MMP16: variants seen among roughly 807,000 people sequenced by gnomAD.
The protein encoded by MMP16 is matrix metallopeptidase 16.
In MMP16, 12 loss-of-function variants were observed where a neutral mutation model predicts 67.8. The ratio of observed to expected loss-of-function variants is 0.18; its 90% CI spans 0.11 to 0.29. MMP16 has a LOEUF of 0.29. Ranked by LOEUF, MMP16 falls within the 10% of genes least tolerant of loss-of-function variation. The pLI, the probability that MMP16 is intolerant of heterozygous loss-of-function variation, is 1.00. For missense variants in MMP16, 475 were observed against 765.7 expected (o/e 0.62, Z 4.48); for synonymous variants, 249 against 255.9 (o/e 0.97, Z 0.26).
intron 1 of MMP16, among the ~76,000 whole-genome samples, chr8:88,211,630 C>T (rs1809514068): frequency 6.6e-6 from 1 of 152,094 alleles, no homozygotes; most frequent in African/African-American, 2.4e-5. Context: ...AAAAGTTCCT[C>T]TGCCTCCTTT....
At chr8:88,045,529 C>T (rs1010293563) in intron 9 of MMP16, among the ~76,000 whole-genome samples, 1 of 151,916 alleles carries the variant, frequency 6.6e-6, no homozygotes, top group Non-Finnish European at 1.5e-5. Flanking sequence ...TGCCACCATG[C>T]CTTGCTTATT....
At chr8:88,120,728 T>G (rs1355629028) in intron 4 of MMP16, among the ~76,000 whole-genome samples, 1 of 151,954 alleles carries the variant, frequency 6.6e-6, no homozygotes, top group Non-Finnish European at 1.5e-5. Context: ...CAGAAGACAG[T>G]GCTGACTCAG....
intron 4 of MMP16, among the ~76,000 whole-genome samples, chr8:88,157,262 C>G (rs1808525799): frequency 6.6e-6 from 1 of 152,074 alleles, no homozygotes; most frequent in African/African-American, 2.4e-5. Context: ...TAAAAAATTA[C>G]AGTATAACCA....
chr8:88,122,708 G>T (rs964332655), intron 4 of MMP16, among the ~76,000 whole-genome samples: 3 of 151,538 alleles, frequency 2.0e-5, no homozygotes, highest in African/African-American at 7.3e-5. Context: ...CTCTAGTTGA[G>T]AAGCTAAAGA....
intron 7 of MMP16, among the ~76,000 whole-genome samples, chr8:88,057,914 C>A (rs541148918): frequency 9.2e-5 from 14 of 152,008 alleles, no homozygotes; most frequent in Admixed American, 2.0e-4. Flanking sequence ...AGATGAAAAC[C>A]AAATATACAC....
chr8:88,134,806 G>A (rs1270586088), intron 4 of MMP16, among the ~76,000 whole-genome samples: 2 of 147,358 alleles, frequency 1.4e-5, no homozygotes, highest in Non-Finnish European at 3.0e-5. Flanking sequence ...ATTTTTCTTC[G>A]CCACCTTATG....
chr8:88,168,070 A>G, intron 3 of MMP16, 97 bp from the exon 4 acceptor site: 1 of 867,160 alleles, frequency 1.2e-6, no homozygotes, highest in Admixed American at 2.9e-5. Flanking sequence ...TAGAGAAAAT[A>G]GTCATATTAA....
intron 4 of MMP16, among the ~76,000 whole-genome samples, chr8:88,121,732 T>C (rs28907629): frequency 0.033 from 4,969 of 152,130 alleles, 151 homozygotes; most frequent in Non-Finnish European, 0.049. Context: ...TTGCTTTCAA[T>C]TGTATCCATA....
At chr8:88,175,805 G>A (rs542864070) in intron 3 of MMP16, among the ~76,000 whole-genome samples, 3 of 152,114 alleles carry the variant, frequency 2.0e-5, no homozygotes, top group African/African-American at 7.2e-5. Flanking sequence ...GAATCATGGG[G>A]TCAGGTTTTC....
In MMP16 at chr8:88,034,619, G is replaced by T. The variant is rs2118164588; in HGVS notation, c.*6842C>A. 1 of 152,246 alleles carries T rather than the reference G, an allele frequency of 6.6e-6. No individual in the cohort carries two copies. Among genetic ancestry groups the T allele is most frequent in the African/African-American group, 2.4e-5 (1 of 41,538 alleles). The allele number at this position is 152,246 out of a possible 1,614,324, so 9.4% of individuals were successfully genotyped here. ...CGGTATTTCAGTAATAGCAAAAATT[G>T]TAACATTGATTTAAGGATAACGCTC... On this transcript the variant is annotated 3_prime_UTR_variant, in exon 10 of 10. Coordinates refer to ENST00000286614, the MANE Select transcript of MMP16 (RefSeq NM_005941.5).
At position 88,205,805 on chromosome 8, in the gene MMP16, TG is replaced by T. The variant is rs768207160; in HGVS notation, c.133-8500del. On this transcript the variant is annotated intron_variant, in intron 1 of 9. Coordinates refer to ENST00000286614, the MANE Select transcript of MMP16 (RefSeq NM_005941.5). ...ATGCACCTATGACACACCATTTAAC[TG>T]TAATTCTGACCTCAGCCAAATGTCC... Among the ~76,000 whole-genome samples, 46 of 152,304 alleles carry T rather than the reference TG, an allele frequency of 3.0e-4. No individual in the cohort carries two copies. The East Asian group carries it at 3.7e-3, about 12-fold the overall frequency.
At chr8:88,261,295 T>G (rs1810384638) in intron 1 of MMP16, among the ~76,000 whole-genome samples, 1 of 152,054 alleles carries the variant, frequency 6.6e-6, no homozygotes, top group Non-Finnish European at 1.5e-5. Context: ...TATAAAACAT[T>G]TAGGAGACAA....
intron 1 of MMP16, among the ~76,000 whole-genome samples, chr8:88,235,619 A>G (rs2129884224): frequency 6.6e-6 from 1 of 152,248 alleles, no homozygotes; most frequent in South Asian, 2.1e-4. Flanking sequence ...AAGTGGAAAT[A>G]CATCTCTTAG....
chr8:88,106,733 T>G (rs949857711), intron 6 of MMP16, among the ~76,000 whole-genome samples: 2 of 151,344 alleles, frequency 1.3e-5, no homozygotes, highest in African/African-American at 4.8e-5. Flanking sequence ...TACTTATTAT[T>G]CCTTAAAATG....
At chr8:88,213,783 C>G (rs563610383) in intron 1 of MMP16, among the ~76,000 whole-genome samples, 10 of 152,248 alleles carry the variant, frequency 6.6e-5, no homozygotes, top group African/African-American at 2.2e-4. Context: ...AAGGAGTAAT[C>G]ACTTAGAATA....
intron 1 of MMP16, among the ~76,000 whole-genome samples, chr8:88,262,158 A>T (rs951130951): frequency 7.2e-5 from 11 of 152,228 alleles, no homozygotes; most frequent in Non-Finnish European, 1.5e-4. Context: ...AAACAAAAAC[A>T]AACAAAATTA....
chr8:88,179,793 C>CATG (rs1261691562), intron 3 of MMP16, among the ~76,000 whole-genome samples: 1 of 152,046 alleles, frequency 6.6e-6, no homozygotes, highest in Admixed American at 6.6e-5. Context: ...GCCCCAAGGT[C>CATG]ACCACTTAAA....
intron 3 of MMP16, among the ~76,000 whole-genome samples, chr8:88,182,514 C>G (rs572311480): frequency 4.6e-5 from 7 of 152,090 alleles, no homozygotes; most frequent in African/African-American, 1.7e-4. Flanking sequence ...ATATCACTAA[C>G]TCTTATTAGA....
chr8:88,285,721 T>C (rs531061276), intron 1 of MMP16, among the ~76,000 whole-genome samples: 6 of 152,220 alleles, frequency 3.9e-5, no homozygotes, highest in Non-Finnish European at 8.8e-5. Context: ...TTTTTAAAAA[T>C]TAATGTTGCA....
Sources: gnomAD v4.1 joint callset for allele counts (sites outside exome capture counted in the v4.1 genomes callset) on GRCh38, gnomAD v4.1.1 for gene constraint, MANE v1.5 for transcripts, NCBI Gene and HGNC (gene_info 2026-07-23, HGNC 2026-07-21) for gene names.